The following CNTN3 variants were observed in gnomAD, a reference collection of about 807,000 sequenced individuals.
CNTN3 encodes contactin-3.
Under a neutral mutation model 119.1 loss-of-function variants are expected in CNTN3, and 60 were observed. The ratio of observed to expected loss-of-function variants is 0.50; its 90% CI spans 0.41 to 0.62. CNTN3 has a LOEUF of 0.62. Among genes scored for constraint, CNTN3 ranks in the 20% least tolerant of loss-of-function variants. The pLI is 0.00. For missense variants in CNTN3, 1,101 were observed against 1,242.4 expected, an observed-to-expected ratio of 0.89 and a Z score of 1.71; for synonymous variants, 450 against 438.7, an observed-to-expected ratio of 1.03 and a Z score of -0.32.
intron 11 of CNTN3, among the ~76,000 whole-genome samples, chr3:74,344,397 GTTTTTTTTTTTTTTTTTTTTTTTTT>G (rs1156579949): frequency 8.0e-4 from 26 of 32,566 alleles, no homozygotes; most frequent in Admixed American, 3.5e-3. Flanking sequence ...TTACACAGTG[GTTTTTTTTTTTTTTTTTTTTTTTTT>G]TTTTTTTTTT....
intron 1 of CNTN3, among the ~76,000 whole-genome samples, chr3:74,547,350 A>G (rs1190741683): frequency 6.6e-6 from 1 of 152,168 alleles, no homozygotes; most frequent in Non-Finnish European, 1.5e-5. Context: ...ACCTTTTCCA[A>G]TGTTTCGATA....
intron 1 of CNTN3, among the ~76,000 whole-genome samples, chr3:74,558,976 C>T (rs973154552): frequency 2.7e-5 from 1 of 37,080 alleles, no homozygotes; most frequent in African/African-American, 1.2e-4. Flanking sequence ...GAGTGAGACC[C>T]TGTCTCAATA....
chr3:74,429,076 T>C (rs1389730339), intron 4 of CNTN3, among the ~76,000 whole-genome samples: 1 of 152,192 alleles, frequency 6.6e-6, no homozygotes, highest in Non-Finnish European at 1.5e-5. Context: ...GATGCATTTC[T>C]CAGAACATAT....
intron 2 of CNTN3, among the ~76,000 whole-genome samples, chr3:74,510,020 C>CAT (rs1254221452): frequency 6.3e-5 from 1 of 15,972 alleles, no homozygotes; most frequent in East Asian, 4.0e-4. Context: ...ATTTTATATA[C>CAT]ATATATATAC....
Position 74,299,874 on chromosome 3 carries a change from G to C in CNTN3, c.2160C>G (p.Thr720=). 1 of 1,606,618 alleles carries C rather than the reference G, an allele frequency of 6.2e-7. No homozygotes were observed. The highest frequency in any genetic ancestry group is 8.5e-7 in the Non-Finnish European group (1 of 1,176,712). ...GGGSRSELVI[T]WDPVPEELQN... is the part of the protein sequence containing the mutation. The stretch of plus-strand genomic sequence containing the variant: ...ATGCTGCCCAAACACTTACATCCCA[G>C]GTTATCACAAGTTCAGACCGGCTTC... The change falls in exon 17 of 23, where the codon ACC becomes ACG. Residue 720 remains threonine, a synonymous_variant. Transcript: ENST00000263665.
At chr3:74,473,053 A>C (rs1218793655) in intron 4 of CNTN3, among the ~76,000 whole-genome samples, 1 of 151,498 alleles carries the variant, frequency 6.6e-6, no homozygotes, top group Non-Finnish European at 1.5e-5. Context: ...AAATATTATA[A>C]TCTATAATAA....
chr3:74,314,910 G>C (rs1056586724), intron 13 of CNTN3, among the ~76,000 whole-genome samples: 2 of 152,176 alleles, frequency 1.3e-5, no homozygotes, highest in Admixed American at 6.5e-5. Context: ...GAGACCTTCT[G>C]TACTGCATTC....
At chr3:74,364,709 T>C in intron 9 of CNTN3, 113 bp from the exon 10 acceptor site, 1 of 844,890 alleles carries the variant, frequency 1.2e-6, no homozygotes, top group South Asian at 1.8e-5. Flanking sequence ...CTGAGAGTAT[T>C]AGACAGGATG....
chr3:74,367,204 G>A (rs989688103), intron 8 of CNTN3, among the ~76,000 whole-genome samples: 16 of 151,874 alleles, frequency 1.1e-4, no homozygotes, highest in African/African-American at 3.9e-4. Context: ...GAAATTGTAA[G>A]GCAACTTTCA....
In CNTN3 at chr3:74,481,923, T is replaced by C. The variant is rs545684244; in HGVS notation, c.358+4533A>G. ...TTAAAACTTTTGAAACATTTTTTACTAGTATATTAGAAAACATAAATGAAA... is the reference window on the plus strand; with the variant it reads ...TTAAAACTTTTGAAACATTTTTTACCAGTATATTAGAAAACATAAATGAAA... On this transcript the variant is annotated intron_variant, in intron 4 of 22. Coordinates refer to ENST00000263665, the MANE Select transcript of CNTN3 (RefSeq NM_020872.3). Among the ~76,000 whole-genome samples, 183 of 151,962 alleles carry C rather than the reference T, an allele frequency of 1.2e-3. 1 individual carries two copies. The highest frequency in any genetic ancestry group is 4.2e-3 in the African/African-American group (174 of 41,564).
intron 13 of CNTN3, among the ~76,000 whole-genome samples, chr3:74,328,867 C>T (rs1703193026): frequency 6.6e-6 from 1 of 152,190 alleles, no homozygotes; most frequent in Non-Finnish European, 1.5e-5. Context: ...CTGTTCCCCA[C>T]TTTTGTGAAT....
At position 74,446,877 on chromosome 3, in the gene CNTN3, C is replaced by T. The variant is rs148561530; in HGVS notation, c.359-21937G>A. Among the ~76,000 whole-genome samples, 1,186 of 152,050 alleles carry T rather than the reference C, an allele frequency of 7.8e-3. 9 individuals carry two copies. Among genetic ancestry groups the T allele is most frequent in the Non-Finnish European group, 0.012 (845 of 67,992 alleles). On this transcript the variant is annotated intron_variant, in intron 4 of 22. Coordinates refer to ENST00000263665, the MANE Select transcript of CNTN3 (RefSeq NM_020872.3). ...TTTTTGAGTCAGACTGACAGATTTG[C>T]ATTCTAGGTCATGGCAATAAATTTC...
At chr3:74,395,882 C>T (rs6806906) in intron 5 of CNTN3, among the ~76,000 whole-genome samples, 5,790 of 152,144 alleles carry the variant, frequency 0.038, 140 homozygotes, top group Non-Finnish European at 0.058. Flanking sequence ...ATACTTCTTG[C>T]ATATTTAAAA....
chr3:74,434,964 G>T (rs1245560552), intron 4 of CNTN3, among the ~76,000 whole-genome samples: 1 of 152,026 alleles, frequency 6.6e-6, no homozygotes, highest in Non-Finnish European at 1.5e-5. Context: ...ATTTTCCTAT[G>T]TTCTTGGTGT....
At chr3:74,389,518 T>G (rs901565389) in intron 5 of CNTN3, among the ~76,000 whole-genome samples, 4 of 152,224 alleles carry the variant, frequency 2.6e-5, no homozygotes, top group African/African-American at 9.7e-5. Context: ...ATAACTATAC[T>G]AATAGTTACA....
chr3:74,275,157 T>C (rs1701856363), intron 20 of CNTN3, among the ~76,000 whole-genome samples: 1 of 152,098 alleles, frequency 6.6e-6, no homozygotes, highest in Non-Finnish European at 1.5e-5. Context: ...GGGATTATAT[T>C]AAACAACCAA....
At position 74,507,586 on chromosome 3, in the gene CNTN3, C is replaced by T. The variant is rs56866457; in HGVS notation, c.56-7801G>A. ...TGTCTGAGTGTATAAACACCATCTA[C>T]TTCTCCCTCCCTGTTTCTTTTTCTT... On this transcript the variant is annotated intron_variant, in intron 2 of 22. Coordinates refer to ENST00000263665, the MANE Select transcript of CNTN3 (RefSeq NM_020872.3). Among the ~76,000 whole-genome samples, 426 of 150,322 alleles carry T rather than the reference C, an allele frequency of 2.8e-3. 2 individuals carry two copies. Among genetic ancestry groups the T allele is most frequent in the African/African-American group, 9.9e-3 (405 of 40,946 alleles).
intron 5 of CNTN3, among the ~76,000 whole-genome samples, chr3:74,403,897 T>C (rs571201654): frequency 2.0e-5 from 3 of 151,410 alleles, no homozygotes; most frequent in Admixed American, 2.0e-4. Context: ...CTTTTTTTTA[T>C]TTTTTTGAAT....
intron 4 of CNTN3, among the ~76,000 whole-genome samples, chr3:74,461,160 C>A (rs1057163809): frequency 2.0e-5 from 3 of 151,800 alleles, no homozygotes; most frequent in Non-Finnish European, 2.9e-5. Flanking sequence ...ACTGAATTTT[C>A]AAATGTTAGA....
Sources: allele counts gnomAD v4.1 joint callset (sites outside exome capture counted in the v4.1 genomes callset), GRCh38; gene constraint gnomAD v4.1.1; transcripts MANE v1.5; gene names NCBI Gene and HGNC (gene_info 2026-07-23, HGNC 2026-07-21).